TOP6BL: variants seen among roughly 807,000 people sequenced by gnomAD.
TOP6BL encodes the protein type 2 DNA topoisomerase 6 subunit B-like.
the TOP6BL span, among the ~76,000 whole-genome samples, chr11:66,778,514 C>A: frequency 2.0e-5 from 3 of 152,002 alleles, no homozygotes; most frequent in Non-Finnish European, 4.4e-5. Flanking sequence ...GAATAGCCAA[C>A]GCCATATTGA....
chr11:66,800,569 G>A, the TOP6BL span: 1 of 1,177,284 alleles, frequency 8.5e-7, no homozygotes, highest in Non-Finnish European at 1.2e-6. Context: ...TTCCTTTAGG[G>A]ATTAGATATG....
the TOP6BL span, chr11:66,804,173 A>G: frequency 1.2e-6 from 2 of 1,610,994 alleles, no homozygotes; most frequent in East Asian, 2.2e-5. Context: ...CCAGCTTAAC[A>G]GGATTTCTTC....
At chr11:66,822,653 G>A in the TOP6BL span, 1 of 1,550,100 alleles carries the variant, frequency 6.5e-7, no homozygotes, top group Non-Finnish European at 8.7e-7. Flanking sequence ...GCTTCCGAAA[G>A]ATGTGTCTCC....
chr11:66,766,102 A>G, the TOP6BL span, among the ~76,000 whole-genome samples: 1 of 152,194 alleles, frequency 6.6e-6, no homozygotes, highest in African/African-American at 2.4e-5. Flanking sequence ...GTGTATCTAT[A>G]CAAAGTTAAT....
the TOP6BL span, chr11:66,801,239 T>A: frequency 1.2e-6 from 1 of 852,534 alleles, no homozygotes; most frequent in Non-Finnish European, 1.8e-6. Flanking sequence ...AAAGCAGAAG[T>A]AAAACTTTTT....
the TOP6BL span, chr11:66,813,832 C>T: frequency 6.2e-7 from 1 of 1,600,510 alleles, no homozygotes. Flanking sequence ...TCATAAGATA[C>T]TAAAATTTGG....
chr11:66,843,329 T>G, the TOP6BL span: 1 of 1,496,754 alleles, frequency 6.7e-7, no homozygotes, highest in African/African-American at 1.4e-5. Flanking sequence ...CACCAAGTCC[T>G]CTTCCGCGTC....
At chr11:66,766,188 G>A in the TOP6BL span, among the ~76,000 whole-genome samples, 2 of 152,162 alleles carry the variant, frequency 1.3e-5, no homozygotes, top group African/African-American at 4.8e-5. Context: ...AAAACAAGTG[G>A]TCTGACCCTT....
At chr11:66,816,375 C>T in the TOP6BL span, among the ~76,000 whole-genome samples, 10 of 152,164 alleles carry the variant, frequency 6.6e-5, no homozygotes, top group Non-Finnish European at 1.2e-4. Context: ...TATATTGATG[C>T]ATCGCTTAAA....
At chr11:66,754,015 T>G in the TOP6BL span, among the ~76,000 whole-genome samples, 9 of 152,218 alleles carry the variant, frequency 5.9e-5, no homozygotes, top group Admixed American at 4.6e-4. Flanking sequence ...AACCAGGACT[T>G]AGTCTTATTG....
chr11:66,772,176 G>A, the TOP6BL span, among the ~76,000 whole-genome samples: 2 of 152,326 alleles, frequency 1.3e-5, no homozygotes, highest in East Asian at 3.9e-4. Context: ...GGCCCGGCCA[G>A]TAAGTGGTAT....
chr11:66,838,792 C>T, the TOP6BL span, among the ~76,000 whole-genome samples: 7 of 152,100 alleles, frequency 4.6e-5, no homozygotes, highest in East Asian at 1.9e-4. Context: ...AGTGCAGTGG[C>T]GCCATCTCGG....
chr11:66,813,677 G>A, the TOP6BL span, among the ~76,000 whole-genome samples: 1 of 151,646 alleles, frequency 6.6e-6, no homozygotes, highest in South Asian at 2.1e-4. Flanking sequence ...AGGTTGCAGT[G>A]AGCTGAGATG....
the TOP6BL span, among the ~76,000 whole-genome samples, chr11:66,773,702 T>G: frequency 6.6e-6 from 1 of 152,300 alleles, no homozygotes; most frequent in Non-Finnish European, 1.5e-5. Context: ...TTAGAGACAG[T>G]TCTACGCTAA....
chr11:66,767,871 G>A, the TOP6BL span, among the ~76,000 whole-genome samples: 1 of 152,148 alleles, frequency 6.6e-6, no homozygotes, highest in African/African-American at 2.4e-5. Context: ...GCTCATTGCA[G>A]CCTTGACCTC....
At chr11:66,834,268 A>C in the TOP6BL span, among the ~76,000 whole-genome samples, 3 of 152,160 alleles carry the variant, frequency 2.0e-5, no homozygotes, top group African/African-American at 7.2e-5. Context: ...TTGTACCGAG[A>C]GCTCCCGGCT....
chr11:66,816,533 A>G, the TOP6BL span, among the ~76,000 whole-genome samples: 5 of 152,118 alleles, frequency 3.3e-5, no homozygotes, highest in Non-Finnish European at 7.4e-5. Context: ...TGATTTCCAG[A>G]TGGACTGAGG....
the TOP6BL span, chr11:66,828,194 C>T: frequency 9.4e-7 from 1 of 1,062,296 alleles, no homozygotes; most frequent in Non-Finnish European, 1.4e-6. Context: ...CCTGTATAAA[C>T]TTTCTGTGAG....
At chr11:66,785,617 A>G in the TOP6BL span, among the ~76,000 whole-genome samples, 5 of 152,292 alleles carry the variant, frequency 3.3e-5, no homozygotes, top group East Asian at 7.7e-4. Context: ...ATGGGTGGTA[A>G]GATGCAAAGC....
Sources: gnomAD v4.1 joint callset for allele counts (sites outside exome capture counted in the v4.1 genomes callset) on GRCh38, gnomAD v4.1.1 for gene constraint, MANE v1.5 for transcripts, NCBI Gene and HGNC (gene_info 2026-07-23, HGNC 2026-07-21) for gene names.